Variants in SHTN1 observed in about 807,000 individuals in gnomAD.
The protein encoded by SHTN1 is shootin 1.
In SHTN1, 42 loss-of-function variants were observed where a neutral mutation model predicts 83.1. The ratio of observed to expected loss-of-function variants is 0.51; its 90% CI spans 0.39 to 0.65. SHTN1 has a LOEUF of 0.65. Among genes scored for constraint, SHTN1 ranks in the 30% least tolerant of loss-of-function variants. The probability of loss-of-function intolerance (pLI) is 0.00; values close to 1 mark genes in which losing one functional copy is unlikely to be tolerated. For missense variants in SHTN1, 622 were observed against 737.8 expected (o/e 0.84, Z 1.82); for synonymous variants, 224 against 247.7 (o/e 0.90, Z 0.90).
intron 5 of SHTN1, among the ~76,000 whole-genome samples, 189 bp from the exon 6 acceptor site, chr10:116,952,195 G>C (rs1849804609): frequency 6.6e-6 from 1 of 152,174 alleles, no homozygotes; most frequent in Non-Finnish European, 1.5e-5. Flanking sequence ...AAATAGCCAT[G>C]GATATTAACA....
intron 2 of SHTN1, among the ~76,000 whole-genome samples, chr10:117,041,753 G>T (rs565966749): frequency 6.6e-6 from 1 of 152,256 alleles, no homozygotes; most frequent in African/African-American, 2.4e-5. Flanking sequence ...CCCATCACGT[G>T]AAGAGACGCT....
rs1313739494 is a variant in SHTN1, at chr10:117,109,553, C to T, written c.-189+16754G>A. On this transcript the variant is annotated intron_variant, in intron 1 of 17. Coordinates refer to the SHTN1 transcript ENST00000392901. ...TTTCCAAAGGCATTAACATATATTA[C>T]TTTTTTTTTTTTTTTTTTTTTTTTT... Among the ~76,000 whole-genome samples, 205 of 42,946 alleles carry T rather than the reference C, an allele frequency of 4.8e-3. 1 individual carries two copies. Among genetic ancestry groups the T allele is most frequent in the East Asian group, 0.028 (30 of 1,074 alleles). The allele number at this position is 42,946 out of a possible 152,430, so 28.2% of individuals were successfully genotyped here. A position where few individuals can be genotyped will look rare whatever the true frequency, so the allele number is the denominator to read the frequency against.
Position 116,883,654 on chromosome 10 carries a change from T to C in SHTN1, c.*2690A>G, listed in dbSNP as rs1008724490. The C allele has an allele frequency of 9.2e-5, 14 of 152,810 alleles. No individual in the cohort carries two copies. The highest frequency in any genetic ancestry group is 3.4e-4 in the African/African-American group (14 of 41,464). 9.5% of individuals were successfully genotyped at this position (152,810 alleles called of 1,614,324 possible). On this transcript the variant is annotated 3_prime_UTR_variant, in exon 17 of 17. Transcript: ENST00000355371. ...TGGAAAGACAATTAAAAATAATTGT[T>C]ACCTGTACTACTCCATTTCCAGCAG...
chr10:117,123,287 G>A (rs780074391), intron 1 of SHTN1, among the ~76,000 whole-genome samples: 1 of 151,942 alleles, frequency 6.6e-6, no homozygotes, highest in Non-Finnish European at 1.5e-5. Context: ...TAAAAGGCAG[G>A]GGTTCTATCC....
intron 13 of SHTN1, among the ~76,000 whole-genome samples, chr10:116,914,357 A>T (rs1848305041): frequency 1.3e-5 from 2 of 152,132 alleles, no homozygotes; most frequent in Non-Finnish European, 2.9e-5. Flanking sequence ...CTGTAGTTCC[A>T]GCTACTTGGG....
intron 1 of SHTN1, among the ~76,000 whole-genome samples, chr10:117,079,193 G>A (rs1189761711): frequency 1.3e-4 from 6 of 46,064 alleles, no homozygotes; most frequent in South Asian, 1.5e-3. Context: ...CCCCTCCCCC[G>A]ACCCCACAAC....
chr10:116,956,124 T>C (rs1177553174), intron 4 of SHTN1, among the ~76,000 whole-genome samples: 4 of 152,228 alleles, frequency 2.6e-5, no homozygotes, highest in Non-Finnish European at 5.9e-5. Context: ...TTCTGTATCC[T>C]AATATTTAAA....
chr10:116,929,868 G>A lies in SHTN1; in HGVS notation c.993C>T (p.Ala331=), dbSNP rs149654560. 12 of 1,602,650 alleles carry A rather than the reference G, an allele frequency of 7.5e-6. No individual in the cohort carries two copies. The African/African-American group carries it at 1.6e-4, about 22-fold the overall frequency. Residue 331 remains alanine (A), a synonymous_variant, in exon 10 of 17, where the codon GCC becomes GCT. Transcript: ENST00000355371. ...ELKYQNSEEK[A]RNLKHSVDEL... Reference sequence around the variant, plus strand: ...TTTTACCAGAGTGCTTTAAATTTCTGGCTTTCTCTTCAGAATTCTGATATT... The same window carrying A: ...TTTTACCAGAGTGCTTTAAATTTCTAGCTTTCTCTTCAGAATTCTGATATT...
intron 1 of SHTN1, among the ~76,000 whole-genome samples, chr10:117,049,527 G>A: frequency 6.6e-6 from 1 of 152,208 alleles, no homozygotes; most frequent in East Asian, 1.9e-4. Flanking sequence ...AAGAGAAGGA[G>A]TATGTCTGTT....
chr10:117,012,567 A>G (rs1852122882), intron 2 of SHTN1, among the ~76,000 whole-genome samples: 1 of 152,170 alleles, frequency 6.6e-6, no homozygotes, highest in Non-Finnish European at 1.5e-5. Context: ...TATAAAAAGG[A>G]GCCGCAACAC....
chr10:117,028,546 G>C (rs887462892), intron 2 of SHTN1, among the ~76,000 whole-genome samples: 2 of 151,950 alleles, frequency 1.3e-5, no homozygotes, highest in Non-Finnish European at 2.9e-5. Context: ...TGATTTCCTG[G>C]GCCAGGCCCA....
chr10:117,012,524 G>A (rs1001535111), intron 2 of SHTN1, among the ~76,000 whole-genome samples: 5 of 152,044 alleles, frequency 3.3e-5, no homozygotes, highest in Non-Finnish European at 5.9e-5. Flanking sequence ...TCAAAACTTG[G>A]TGCTAGATCA....
At chr10:116,892,409 T>C (rs932989874) in intron 16 of SHTN1, among the ~76,000 whole-genome samples, 12 of 152,214 alleles carry the variant, frequency 7.9e-5, no homozygotes, top group African/African-American at 2.9e-4. Context: ...AGCTTCGTTT[T>C]TTAGCTTTTT....
At chr10:117,002,011 A>C (rs1851836629) in intron 1 of SHTN1, among the ~76,000 whole-genome samples, 1 of 152,220 alleles carries the variant, frequency 6.6e-6, no homozygotes, top group Non-Finnish European at 1.5e-5. Context: ...TGCCCATTAG[A>C]TTGGCAAAAA....
chr10:117,103,543 T>C (rs559751772), intron 1 of SHTN1, among the ~76,000 whole-genome samples: 66 of 133,028 alleles, frequency 5.0e-4, no homozygotes, highest in African/African-American at 1.8e-3. Context: ...TTTTTTTTTT[T>C]TTTTTTTTTT....
chr10:117,102,343 C>A (rs1480324923), intron 1 of SHTN1, among the ~76,000 whole-genome samples: 3 of 152,156 alleles, frequency 2.0e-5, no homozygotes, highest in African/African-American at 7.2e-5. Context: ...AAGATTAATT[C>A]TTTATTAGGT....
At position 116,883,193 on chromosome 10, in the gene SHTN1, A is replaced by G. The variant is rs777320667; in HGVS notation, c.*3151T>C. On this transcript the variant is annotated 3_prime_UTR_variant, in exon 17 of 17. Transcript: ENST00000355371. ...CCTATCCTCGAGACTGCACTCACCA[A>G]TGGATAATTAGCATTTTAATTTAAA... is the stretch of plus-strand genomic sequence containing the variant. The G allele has an allele frequency of 3.3e-5, 5 of 152,162 alleles. No individual in the cohort carries two copies. The highest frequency in any genetic ancestry group is 7.3e-5 in the Non-Finnish European group (5 of 68,036). 9.4% of individuals were successfully genotyped at this position (152,162 alleles called of 1,614,324 possible).
intron 1 of SHTN1, among the ~76,000 whole-genome samples, chr10:116,995,021 A>G (rs1851579310): frequency 6.6e-6 from 1 of 152,162 alleles, no homozygotes; most frequent in South Asian, 2.1e-4. Flanking sequence ...GCTACCTGTC[A>G]TAATTCTGAT....
rs1156966135 is a variant in SHTN1, at chr10:117,005,136, G to T, written c.-57C>A. The T allele has an allele frequency of 1.9e-6, 3 of 1,558,004 alleles. No homozygotes were observed. The highest frequency in any genetic ancestry group is 2.6e-6 in the Non-Finnish European group (3 of 1,150,340). Reference sequence around the variant, plus strand: ...AGAGGGAGCGGCGCGGGGCACACAGGAGGAGGGGGAAGAAAAAGCAAGATG... The same window carrying T: ...AGAGGGAGCGGCGCGGGGCACACAGTAGGAGGGGGAAGAAAAAGCAAGATG... On this transcript the variant is annotated 5_prime_UTR_variant, in exon 1 of 17. Coordinates refer to ENST00000355371, the MANE Select transcript of SHTN1 (RefSeq NM_001127211.3).
Sources: allele counts gnomAD v4.1 joint callset (sites outside exome capture counted in the v4.1 genomes callset), GRCh38; gene constraint gnomAD v4.1.1; transcripts MANE v1.5; gene names NCBI Gene and HGNC (gene_info 2026-07-23, HGNC 2026-07-21).